The following MAP3K21 variants were observed in gnomAD, a reference collection of about 807,000 sequenced individuals.
MAP3K21 encodes the protein mitogen-activated protein kinase kinase kinase 21.
A neutral mutation model predicts 86.1 loss-of-function variants in MAP3K21; 63 were observed. The observed-to-expected ratio is 0.73, with a 90% CI of 0.60 to 0.90. The LOEUF (loss-of-function observed/expected upper bound fraction) is 0.90, where lower values mean the gene tolerates loss of function less well. MAP3K21 is among the 40% of genes least tolerant of loss of function. The pLI, the probability that MAP3K21 is intolerant of heterozygous loss-of-function variation, is 0.00. For missense variants in MAP3K21, 1,220 were observed against 1,367.7 expected (o/e 0.89, Z 1.70); for synonymous variants, 558 against 564.8 (o/e 0.99, Z 0.17).
chr1:233,359,897 G>A (rs1264644831), intron 4 of MAP3K21, among the ~76,000 whole-genome samples: 1 of 152,216 alleles, frequency 6.6e-6, no homozygotes, highest in Non-Finnish European at 1.5e-5. Flanking sequence ...TCAGAAGGAA[G>A]ATTACTTTTG....
At chr1:233,355,884 C>T (rs1417515213) in intron 4 of MAP3K21, among the ~76,000 whole-genome samples, 1 of 152,160 alleles carries the variant, frequency 6.6e-6, no homozygotes, top group Non-Finnish European at 1.5e-5. Context: ...CCTCATCTGT[C>T]CCCTTCTCCT....
rs1662730143 is a variant in MAP3K21 at position 233,328,138 on chromosome 1, C to G, written c.110C>G (p.Ser37Trp). Residue 37 changes from serine (S) to tryptophan (W), a missense_variant, in exon 1 of 10, where the codon TCG (serine) becomes TGG (tryptophan). Around this residue, in one of 5 missense-constraint regions of MAP3K21, gnomAD observed 369 missense variants for 385.3 expected, o/e 0.96. Transcript: ENST00000366624. This position sits in a 1 kb window ranked among gnomAD's most constrained non-coding sequence, Gnocchi z 8.7. The part of the protein sequence containing the change: ...SSSTSSGGSA[S>W]AGAGLWAALY... Reference sequence around the variant, plus strand: ...TCCACCTCCTCGGGCGGCTCGGCCTCGGCGGGCGCGGGGCTGTGGGCCGCG... The same window carrying G: ...TCCACCTCCTCGGGCGGCTCGGCCTGGGCGGGCGCGGGGCTGTGGGCCGCG... The G allele has an allele frequency of 2.1e-6, 3 of 1,422,688 alleles. No individual in the cohort carries two copies. Among genetic ancestry groups the G allele is most frequent in the Non-Finnish European group, 2.7e-6 (3 of 1,093,456 alleles). 88.1% of individuals were successfully genotyped at this position (1,422,688 alleles called of 1,614,324 possible).
rs1203012647 is a variant in MAP3K21 at position 233,379,685 on chromosome 1, C to G, written c.2679C>G (p.Thr893=). The part of the protein sequence containing the change: ...SKHRPSHHRR[T]MSDGNPTPTG... ...ATAGACCGTCACATCACAGACGGAC[C>G]ATGTCTGATGGAAATCCGACCCCAA... The change falls in exon 9 of 10, where the codon ACC becomes ACG. Residue 893 remains threonine, a synonymous_variant. Coordinates refer to ENST00000366624, the MANE Select transcript of MAP3K21 (RefSeq NM_032435.3). 1 of 1,611,724 alleles carries G rather than the reference C, an allele frequency of 6.2e-7. No homozygotes were observed. The highest frequency in any genetic ancestry group is 8.5e-7 in the Non-Finnish European group (1 of 1,179,222).
In MAP3K21 at chr1:233,376,529, T is replaced by TAA. The variant is rs779427367; in HGVS notation, c.1924+4_1924+5dup. 1.2e-6 allele frequency: 2 copies of TAA among 1,604,656 alleles called. No individual in the cohort carries two copies. The highest frequency in any genetic ancestry group is 2.2e-5 in the South Asian group (2 of 90,432). On this transcript the variant is annotated splice_region_variant and intron_variant, in intron 8 of 9. Coordinates refer to ENST00000366624, the MANE Select transcript of MAP3K21 (RefSeq NM_032435.3). Reference sequence around the variant, plus strand: ...CTTCATTGTTTGTGGACCAGCCAGGTAAATGTGTTTCAGGAGGTAGGATTT... The same window carrying TAA: ...CTTCATTGTTTGTGGACCAGCCAGGTAAAAATGTGTTTCAGGAGGTAGGATTT...
chr1:233,348,297 A>G (rs1284051788), intron 2 of MAP3K21, among the ~76,000 whole-genome samples: 1 of 152,208 alleles, frequency 6.6e-6, no homozygotes, highest in African/African-American at 2.4e-5. Flanking sequence ...AGGTTCATCT[A>G]TGTCAGAGCA....
intron 1 of MAP3K21, among the ~76,000 whole-genome samples, chr1:233,332,812 T>G (rs1464134575): frequency 6.7e-6 from 1 of 148,682 alleles, no homozygotes; most frequent in African/African-American, 2.5e-5. Flanking sequence ...TCCTTTTTCT[T>G]TTTTGATGTT....
chr1:233,328,873 G>T lies in MAP3K21; in HGVS notation c.805+40G>T. 1 of 1,452,108 alleles carries T rather than the reference G, an allele frequency of 6.9e-7. No homozygotes were observed. The highest frequency in any genetic ancestry group is 9.1e-7 in the Non-Finnish European group (1 of 1,096,236). The allele number at this position is 1,452,108 out of a possible 1,614,324, so 90.0% of individuals were successfully genotyped here. ...AGGGAGGTGGGGGAAGACTACCTCC[G>T]TGCCAGCCCAGGCGGGCTCCACAGG... On this transcript the variant is annotated intron_variant, in intron 1 of 9. Transcript: ENST00000366624. The surrounding 1 kb of genome is among the most constrained non-coding windows in gnomAD (Gnocchi z 8.7).
intron 1 of MAP3K21, among the ~76,000 whole-genome samples, chr1:233,334,601 T>C (rs904800095): frequency 2.0e-5 from 3 of 151,236 alleles, no homozygotes; most frequent in Non-Finnish European, 4.4e-5. Flanking sequence ...AAGGGTTTTT[T>C]TGGGGGGGAA....
At chr1:233,344,635 A>G (rs1366170547) in intron 1 of MAP3K21, among the ~76,000 whole-genome samples, 2 of 152,250 alleles carry the variant, frequency 1.3e-5, no homozygotes, top group Non-Finnish European at 2.9e-5. Context: ...ACCCTAGAAG[A>G]AAACCTAGGC....
In MAP3K21 at chr1:233,384,473, A is replaced by G. The variant is rs1173487046; in HGVS notation, c.*1762A>G. ...CTTTGTGTGGTTATTGAATTATGTA[A>G]CAGAGATTTGGTTTTCCCAAAATGT... is the stretch of plus-strand genomic sequence containing the variant. On this transcript the variant is annotated 3_prime_UTR_variant, in exon 10 of 10. Coordinates refer to ENST00000366624, the MANE Select transcript of MAP3K21 (RefSeq NM_032435.3). 2 of 152,208 alleles carry G rather than the reference A, an allele frequency of 1.3e-5. No homozygotes were observed. The highest frequency in any genetic ancestry group is 2.9e-5 in the Non-Finnish European group (2 of 68,026). The allele number at this position is 152,208 out of a possible 1,614,324, so 9.4% of individuals were successfully genotyped here.
chr1:233,335,202 A>T (rs773443099), intron 1 of MAP3K21, among the ~76,000 whole-genome samples: 2 of 152,132 alleles, frequency 1.3e-5, no homozygotes, highest in African/African-American at 4.8e-5. Context: ...TTTAATGGGC[A>T]GAGGGTTTTG....
chr1:233,340,298 C>T (rs1663016151), intron 1 of MAP3K21, among the ~76,000 whole-genome samples: 1 of 152,028 alleles, frequency 6.6e-6, no homozygotes, highest in Non-Finnish European at 1.5e-5. Flanking sequence ...GTGCTGGTGC[C>T]CTGATTGAGT....
intron 5 of MAP3K21, among the ~76,000 whole-genome samples, chr1:233,366,357 C>T (rs1663573509): frequency 2.0e-5 from 3 of 152,104 alleles, no homozygotes; most frequent in Non-Finnish European, 4.4e-5. Flanking sequence ...TGAATGTTCA[C>T]AACACAAAGA....
intron 8 of MAP3K21, among the ~76,000 whole-genome samples, chr1:233,377,684 A>G (rs1663825847): frequency 6.6e-6 from 1 of 152,182 alleles, no homozygotes; most frequent in Admixed American, 6.5e-5. Context: ...TGGGGTAGGG[A>G]TGGTTTCAGG....
At chr1:233,364,840 T>G (rs528014738) in intron 5 of MAP3K21, among the ~76,000 whole-genome samples, 3 of 152,320 alleles carry the variant, frequency 2.0e-5, no homozygotes, top group South Asian at 4.1e-4. Context: ...CACCAAGGAA[T>G]GAAATTTGGT....
chr1:233,368,689 G>A (rs895329453), intron 5 of MAP3K21, among the ~76,000 whole-genome samples: 1 of 151,578 alleles, frequency 6.6e-6, no homozygotes, highest in Non-Finnish European at 1.5e-5. Context: ...GCAGATGGAG[G>A]AGCCTCCCAT....
intron 1 of MAP3K21, among the ~76,000 whole-genome samples, chr1:233,345,089 C>T (rs2102762939): frequency 6.6e-6 from 1 of 152,286 alleles, no homozygotes; most frequent in South Asian, 2.1e-4. Context: ...ACAACAGATG[C>T]TGGAGAGAAT....
chr1:233,355,691 G>A (rs4649222), intron 4 of MAP3K21, among the ~76,000 whole-genome samples: 112,842 of 151,978 alleles, frequency 0.74, 42,156 homozygotes, highest in East Asian at 0.99. Flanking sequence ...CTTATTTGTG[G>A]TAATGGGATC....
chr1:233,375,433 A>G (rs1663774353), intron 6 of MAP3K21, among the ~76,000 whole-genome samples: 1 of 152,250 alleles, frequency 6.6e-6, no homozygotes, highest in Non-Finnish European at 1.5e-5. Flanking sequence ...CAAAATTGTG[A>G]TGACCAAAAA....
Sources: allele counts gnomAD v4.1 joint callset (sites outside exome capture counted in the v4.1 genomes callset), GRCh38; gene constraint gnomAD v4.1.1; regional missense constraint gnomAD v4.1.1; non-coding constraint Gnocchi (gnomAD v3.1); transcripts MANE v1.5; gene names NCBI Gene and HGNC (gene_info 2026-07-23, HGNC 2026-07-21).